The following ASTN2 variants were observed in gnomAD, a reference collection of about 807,000 sequenced individuals.
ASTN2 encodes astrotactin-2.
Under a neutral mutation model 139.8 loss-of-function variants are expected in ASTN2, and 54 were observed. The observed-to-expected ratio is 0.39, with a 90% CI of 0.31 to 0.48. The LOEUF (loss-of-function observed/expected upper bound fraction) is 0.48, where lower values mean the gene tolerates loss of function less well. Ranked by LOEUF, ASTN2 falls within the 20% of genes least tolerant of loss-of-function variation. The pLI is 0.95. For synonymous variants in ASTN2, 756 were observed against 719.5 expected, an observed-to-expected ratio of 1.05 and a Z score of -0.81; for missense variants, 1,565 against 1,725.1, an observed-to-expected ratio of 0.91 and a Z score of 1.64.
chr9:117,196,254 T>C (rs528926217), intron 3 of ASTN2, among the ~76,000 whole-genome samples: 2 of 152,240 alleles, frequency 1.3e-5, no homozygotes, highest in South Asian at 4.1e-4. Context: ...AGGGTTATTG[T>C]GAGGTATAAA....
chr9:117,412,684 CGGGA>C (rs1490057590), intron 1 of ASTN2, among the ~76,000 whole-genome samples: 5 of 152,022 alleles, frequency 3.3e-5, no homozygotes, highest in Non-Finnish European at 5.9e-5. Context: ...GTTTGGGGGG[CGGGA>C]GGATTTCCAC....
At chr9:116,725,993 G>A (rs761591100) in intron 15 of ASTN2, 43 bp from the exon 16 acceptor site, 10 of 1,560,708 alleles carry the variant, frequency 6.4e-6, no homozygotes, top group East Asian at 4.5e-5. Context: ...GATGTGAGAG[G>A]CTGGCGGCTA....
intron 16 of ASTN2, chr9:116,686,845 A>C (rs752582017): frequency 6.5e-7 from 1 of 1,549,882 alleles, no homozygotes; most frequent in South Asian, 1.2e-5. Context: ...GTCAGAGCAC[A>C]GAACATGAGG....
intron 5 of ASTN2, among the ~76,000 whole-genome samples, chr9:117,042,816 T>C (rs932615464): frequency 6.6e-5 from 10 of 152,162 alleles, no homozygotes; most frequent in African/African-American, 2.4e-4. Context: ...GCAAAACCCC[T>C]ACAATAACAC....
chr9:116,622,448 G>A (rs1214560986), intron 17 of ASTN2, among the ~76,000 whole-genome samples: 1 of 152,184 alleles, frequency 6.6e-6, no homozygotes, highest in Non-Finnish European at 1.5e-5. Flanking sequence ...AAATGGCACA[G>A]CACATGGTAC....
intron 10 of ASTN2, among the ~76,000 whole-genome samples, chr9:116,925,866 AC>A (rs1340496181): frequency 1.4e-4 from 13 of 91,874 alleles, no homozygotes; most frequent in Admixed American, 3.4e-4. Flanking sequence ...AACACAACAC[AC>A]ACACACACAC....
chr9:117,083,226 A>T (rs932380063), intron 5 of ASTN2, among the ~76,000 whole-genome samples: 1 of 152,256 alleles, frequency 6.6e-6, no homozygotes, highest in Non-Finnish European at 1.5e-5. Flanking sequence ...AAATAAAAAA[A>T]AATGAATGAA....
intron 1 of ASTN2, among the ~76,000 whole-genome samples, chr9:117,349,158 G>A (rs577305443): frequency 5.9e-5 from 9 of 152,288 alleles, no homozygotes; most frequent in Non-Finnish European, 1.3e-4. Context: ...TCATGCACAC[G>A]CACAGCAGAC....
intron 13 of ASTN2, among the ~76,000 whole-genome samples, chr9:116,748,614 A>G (rs1234446009): frequency 6.6e-6 from 1 of 152,178 alleles, no homozygotes; most frequent in Non-Finnish European, 1.5e-5. Context: ...CATTCATACC[A>G]TTGGTATCTC....
Position 116,967,113 on chromosome 9 carries a change from T to C in ASTN2, c.1889+8095A>G, listed in dbSNP as rs7027231. ...TGTGAGGAGTCAAAATGAAAACATG[T>C]AGAGCACTTAAGACATTGACACCAA... On this transcript the variant is annotated intron_variant, in intron 10 of 22. Coordinates refer to ENST00000313400, the MANE Select transcript of ASTN2 (RefSeq NM_001365068.1). 4.4e-3 allele frequency among the ~76,000 whole-genome samples: 671 copies of C among 152,292 alleles called. 4 individuals carry two copies. The highest frequency in any genetic ancestry group is 0.015 in the African/African-American group (613 of 41,558).
chr9:116,877,341 G>A (rs1291398082), intron 10 of ASTN2, among the ~76,000 whole-genome samples: 2 of 151,976 alleles, frequency 1.3e-5, no homozygotes, highest in Non-Finnish European at 2.9e-5. Flanking sequence ...CTGAGCACTT[G>A]TTTCCAACAC....
rs1828843216 is a variant in ASTN2 at position 116,733,507 on chromosome 9, T to G, written c.2413A>C (p.Lys805Gln). Residue 805 changes from lysine (K) to glutamine (Q), a missense_variant, in exon 14 of 23, where the codon AAG (lysine) becomes CAG (glutamine). Physicochemically the swap from Lys to Gln is moderately conservative, Grantham distance 53 (BLOSUM62 1). This residue lies in a region of ASTN2 where 503 missense variants were observed against 591.7 expected (regional missense o/e 0.85). Coordinates refer to ENST00000313400, the MANE Select transcript of ASTN2 (RefSeq NM_001365068.1). ...CCATCGGCCAGCTGGGGAAAGTCCT[T>G]GATGAAGTTGTTCTCCCTGTGGAGA... ...QMTFRENNFI[K>Q]DFPQLADGLL... The G allele has an allele frequency of 6.2e-7, 1 of 1,614,122 alleles. No individual in the cohort carries two copies.
In ASTN2 at chr9:117,137,599, T is replaced by A. The variant is rs111460843; in HGVS notation, c.1168+3727A>T. Among the ~76,000 whole-genome samples, 516 of 152,294 alleles carry A rather than the reference T, an allele frequency of 3.4e-3. 3 individuals are homozygous for A. The highest frequency in any genetic ancestry group is 0.012 in the African/African-American group (487 of 41,560). ...GTCAACATAGTATCAATACATTGAG[T>A]TAAACAAAGCAGCCTAGCTTTCTGT... On this transcript the variant is annotated intron_variant, in intron 4 of 22. Transcript: ENST00000313400.
intron 10 of ASTN2, among the ~76,000 whole-genome samples, chr9:116,874,020 C>T (rs113582896): frequency 0.013 from 2,009 of 152,224 alleles, 47 homozygotes; most frequent in African/African-American, 0.045. Context: ...CAGAAACAAA[C>T]GAATGCCTCT....
intron 2 of ASTN2, among the ~76,000 whole-genome samples, chr9:117,280,741 G>A (rs1293910980): frequency 6.6e-6 from 1 of 152,096 alleles, no homozygotes; most frequent in Non-Finnish European, 1.5e-5. Context: ...TGTCACGGCA[G>A]CCTTAGGAAG....
At chr9:117,181,686 G>T (rs1588048799) in intron 3 of ASTN2, among the ~76,000 whole-genome samples, 1 of 152,220 alleles carries the variant, frequency 6.6e-6, no homozygotes, top group African/African-American at 2.4e-5. Context: ...CTGTTTCACA[G>T]GGCTAATGAT....
chr9:117,234,683 T>C (rs1303311305), intron 2 of ASTN2, among the ~76,000 whole-genome samples: 2 of 152,142 alleles, frequency 1.3e-5, no homozygotes, highest in African/African-American at 4.8e-5. Context: ...TCTCTAGAGC[T>C]CCGTGGAGCA....
chr9:117,273,747 C>CT (rs1236431245), intron 2 of ASTN2, among the ~76,000 whole-genome samples: 9 of 152,166 alleles, frequency 5.9e-5, no homozygotes, highest in African/African-American at 2.2e-4. Flanking sequence ...AATCCATCTG[C>CT]TTTTTATAAC....
intron 5 of ASTN2, among the ~76,000 whole-genome samples, chr9:117,058,464 C>G (rs1839133475): frequency 6.6e-6 from 1 of 152,168 alleles, no homozygotes; most frequent in Non-Finnish European, 1.5e-5. Flanking sequence ...TACATCAAAC[C>G]TATGGAGTTA....
Sources: allele counts gnomAD v4.1 joint callset (sites outside exome capture counted in the v4.1 genomes callset), GRCh38; gene constraint gnomAD v4.1.1; regional missense constraint gnomAD v4.1.1; transcripts MANE v1.5; gene names NCBI Gene and HGNC (gene_info 2026-07-23, HGNC 2026-07-21).